The following B4GALT5 variants were observed in gnomAD, a reference collection of about 807,000 sequenced individuals.
B4GALT5 encodes the protein UDP-Gal:beta-GlcNAc beta-1,4-galactosyltransferase 5.
Under a neutral mutation model 45.0 loss-of-function variants are expected in B4GALT5, and 11 were observed. That is an observed-to-expected ratio of 0.24 (90% CI 0.15 to 0.40). B4GALT5 has a LOEUF of 0.40. B4GALT5 is among the 10% of genes least tolerant of loss of function. B4GALT5 has a pLI of 1.00. For missense variants in B4GALT5, 337 were observed against 500.2 expected, an observed-to-expected ratio of 0.67 and a Z score of 3.11; for synonymous variants, 185 against 182.9, an observed-to-expected ratio of 1.01 and a Z score of -0.09.
intron 1 of B4GALT5, among the ~76,000 whole-genome samples, chr20:49,668,859 G>T (rs1335243795): frequency 1.3e-5 from 2 of 151,584 alleles, no homozygotes; most frequent in African/African-American, 2.4e-5. Context: ...TGTGACACCC[G>T]CTCATACTAA....
intron 1 of B4GALT5, among the ~76,000 whole-genome samples, chr20:49,694,084 C>T (rs1358913192): frequency 2.6e-5 from 4 of 152,212 alleles, no homozygotes; most frequent in Non-Finnish European, 5.9e-5. Flanking sequence ...CTAAGCCACT[C>T]TTCCTTGAAA....
intron 1 of B4GALT5, among the ~76,000 whole-genome samples, chr20:49,710,594 A>G (rs1416872378): frequency 6.6e-5 from 10 of 151,690 alleles, no homozygotes; most frequent in Admixed American, 6.6e-4. Flanking sequence ...TAATTTTTGT[A>G]TTTTTAGTAC....
intron 1 of B4GALT5, among the ~76,000 whole-genome samples, chr20:49,662,864 A>G (rs1451748570): frequency 6.6e-6 from 1 of 152,238 alleles, no homozygotes; most frequent in East Asian, 1.9e-4. Flanking sequence ...ATGACCATCC[A>G]AAGGAGACTG....
In B4GALT5 at chr20:49,713,696, A is replaced by G. The variant is rs2085931834; in HGVS notation, c.-6T>C. On this transcript the variant is annotated 5_prime_UTR_variant, in exon 1 of 9. Coordinates refer to ENST00000371711, the MANE Select transcript of B4GALT5 (RefSeq NM_004776.4). ...AGCCCCCGGCGGGCGCGCATGCTGC[A>G]GCCAGGCGGCCGCTAGAGAGCCAGG... 2 of 1,395,892 alleles carry G rather than the reference A, an allele frequency of 1.4e-6. No individual in the cohort carries two copies. The highest frequency in any genetic ancestry group is 2.7e-5 in the South Asian group (2 of 73,756). 86.5% of individuals were successfully genotyped at this position (1,395,892 alleles called of 1,614,324 possible).
At chr20:49,688,882 AGCCGAGATCGT>A (rs2085797855) in intron 1 of B4GALT5, among the ~76,000 whole-genome samples, 1 of 150,204 alleles carries the variant, frequency 6.7e-6, no homozygotes, top group Non-Finnish European at 1.5e-5. Context: ...GGTGGCAGTG[AGCCGAGATCGT>A]GCCATTCCAC....
chr20:49,659,924 T>G (rs142666445), intron 1 of B4GALT5, among the ~76,000 whole-genome samples: 3 of 151,876 alleles, frequency 2.0e-5, no homozygotes, highest in Admixed American at 2.0e-4. Context: ...CTACTACAGG[T>G]GCATGCCACC....
intron 1 of B4GALT5, among the ~76,000 whole-genome samples, chr20:49,670,004 TTA>T (rs1219275090): frequency 2.0e-5 from 3 of 152,220 alleles, no homozygotes; most frequent in African/African-American, 7.2e-5. Context: ...TTTACTTACA[TTA>T]TTTCTAAAAG....
rs550435557 is a variant in B4GALT5 at position 49,643,533 on chromosome 20, C to T, written c.482G>A (p.Arg161Gln). The T allele has an allele frequency of 5.9e-5, 96 of 1,613,982 alleles. No individual in the cohort carries two copies. The East Asian group carries it at 1.9e-3, about 31-fold the overall frequency. Residue 161 changes from arginine (R) to glutamine (Q), a missense_variant, in exon 4 of 9, where the codon CGG becomes CAG. This residue lies in a region of B4GALT5 where 163 missense variants were observed against 292.8 expected (regional missense o/e 0.56). Transcript: ENST00000371711. ...GHWKPSDCMP[R>Q]WKVAILIPFR... ...TGTGACTTCACACCCTACCTTCCAC[C>T]GAGGCATGCAATCAGAAGGCTTCCA...
At chr20:49,638,602 G>A (rs931225528) in intron 7 of B4GALT5, among the ~76,000 whole-genome samples, 16 of 152,012 alleles carry the variant, frequency 1.1e-4, no homozygotes, top group Non-Finnish European at 1.9e-4. Flanking sequence ...CCAATGAAAT[G>A]GGCATTTAGT....
chr20:49,677,996 C>A (rs1404395694), intron 1 of B4GALT5, among the ~76,000 whole-genome samples: 1 of 152,262 alleles, frequency 6.6e-6, no homozygotes, highest in Non-Finnish European at 1.5e-5. Flanking sequence ...GATCTGCCCG[C>A]CTCAGCCTCC....
chr20:49,695,418 T>A (rs528694356), intron 1 of B4GALT5, among the ~76,000 whole-genome samples: 14 of 149,048 alleles, frequency 9.4e-5, no homozygotes, highest in African/African-American at 1.7e-4. Flanking sequence ...GTGGTTTATT[T>A]TTTTTTTTTT....
At chr20:49,677,066 T>C (rs1240149329) in intron 1 of B4GALT5, among the ~76,000 whole-genome samples, 3 of 152,156 alleles carry the variant, frequency 2.0e-5, no homozygotes, top group Non-Finnish European at 4.4e-5. Context: ...ACTTCTTTGT[T>C]CTAGGGGGTA....
At chr20:49,640,395 T>G (rs1322379828) in intron 6 of B4GALT5, 83 bp downstream of exon 6, 2 of 1,259,034 alleles carry the variant, frequency 1.6e-6, no homozygotes, top group African/African-American at 3.0e-5. Flanking sequence ...GGCATCTAGG[T>G]TGCAGCTAAT....
At chr20:49,647,595 T>A (rs1420374160) in intron 2 of B4GALT5, among the ~76,000 whole-genome samples, 3 of 152,226 alleles carry the variant, frequency 2.0e-5, no homozygotes, top group African/African-American at 7.2e-5. Context: ...TAGCTGTGGT[T>A]AGGACAATCT....
intron 1 of B4GALT5, among the ~76,000 whole-genome samples, chr20:49,700,662 A>G (rs1254702243): frequency 6.6e-6 from 1 of 152,226 alleles, no homozygotes; most frequent in Non-Finnish European, 1.5e-5. Flanking sequence ...CTTGAACACA[A>G]GCACTGTGAC....
At chr20:49,650,679 A>C (rs2085618694) in intron 2 of B4GALT5, among the ~76,000 whole-genome samples, 1 of 152,102 alleles carries the variant, frequency 6.6e-6, no homozygotes, top group Admixed American at 6.6e-5. Context: ...GTAGCAATAG[A>C]GGCCTTTTAA....
intron 1 of B4GALT5, among the ~76,000 whole-genome samples, chr20:49,710,084 T>C (rs1171121496): frequency 6.6e-6 from 1 of 152,210 alleles, no homozygotes; most frequent in African/African-American, 2.4e-5. Context: ...GGACAATTCA[T>C]AACATTTATA....
At chr20:49,708,443 G>T (rs1197597800) in intron 1 of B4GALT5, among the ~76,000 whole-genome samples, 3 of 152,104 alleles carry the variant, frequency 2.0e-5, no homozygotes, top group African/African-American at 7.2e-5. Flanking sequence ...GAAAGTATCA[G>T]ATCATTGAAA....
chr20:49,690,525 G>C (rs2085806064), intron 1 of B4GALT5, among the ~76,000 whole-genome samples: 1 of 150,570 alleles, frequency 6.6e-6, no homozygotes, highest in South Asian at 2.2e-4. Context: ...CTCCAGCCTG[G>C]GCAACAACAG....
Sources: allele counts gnomAD v4.1 joint callset (sites outside exome capture counted in the v4.1 genomes callset), GRCh38; gene constraint gnomAD v4.1.1; regional missense constraint gnomAD v4.1.1; transcripts MANE v1.5; gene names NCBI Gene and HGNC (gene_info 2026-07-23, HGNC 2026-07-21).